PFKL: variants seen among roughly 807,000 people sequenced by gnomAD.
The protein encoded by PFKL is ATP-dependent 6-phosphofructokinase, liver type.
In PFKL, 74 loss-of-function variants were observed where a neutral mutation model predicts 92.1. The observed-to-expected ratio is 0.80, with a 90% CI of 0.67 to 0.97. The LOEUF is 0.97. Ranked by LOEUF, PFKL falls within the 50% of genes least tolerant of loss-of-function variation. The pLI is 0.00. For missense variants in PFKL, 1,028 were observed against 1,116.6 expected, an observed-to-expected ratio of 0.92 and a Z score of 1.13; for synonymous variants, 494 against 456.4, an observed-to-expected ratio of 1.08 and a Z score of -1.05.
chr21:44,318,255 T>G (rs1358735409), intron 9 of PFKL, among the ~76,000 whole-genome samples: 1 of 152,110 alleles, frequency 6.6e-6, no homozygotes, highest in Non-Finnish European at 1.5e-5. Context: ...AGGCTGGGCC[T>G]TCCAGCAGGG....
intron 9 of PFKL, 102 bp from the exon 10 acceptor site, chr21:44,318,368 G>T (rs1329057558): frequency 1.4e-5 from 18 of 1,263,814 alleles, no homozygotes; most frequent in East Asian, 5.6e-5. Flanking sequence ...CCGTCAGCGT[G>T]GGGGGCTCTG....
intron 19 of PFKL, chr21:44,325,569 A>C: frequency 3.8e-6 from 2 of 521,672 alleles, no homozygotes; most frequent in Non-Finnish European, 7.0e-6. Flanking sequence ...AGATCCCCGC[A>C]TGCTCCCTGC....
At chr21:44,311,586 C>T (rs1187871921) in intron 3 of PFKL, among the ~76,000 whole-genome samples, 1 of 152,218 alleles carries the variant, frequency 6.6e-6, no homozygotes, top group Non-Finnish European at 1.5e-5. Flanking sequence ...ACCCTGTCAT[C>T]TGCTGCCATG....
At chr21:44,317,678 G>C (rs1053499556) in intron 9 of PFKL, among the ~76,000 whole-genome samples, 1 of 152,214 alleles carries the variant, frequency 6.6e-6, no homozygotes, top group Admixed American at 6.5e-5. Context: ...CCCTGAGCCC[G>C]TATTCCCACT....
At chr21:44,325,569 A>G (rs893298415) in intron 19 of PFKL, 6 of 521,556 alleles carry the variant, frequency 1.2e-5, no homozygotes, top group African/African-American at 3.8e-5. Context: ...AGATCCCCGC[A>G]TGCTCCCTGC....
chr21:44,300,892 C>A (rs1282519707), intron 1 of PFKL, among the ~76,000 whole-genome samples: 16 of 152,226 alleles, frequency 1.1e-4, no homozygotes. Flanking sequence ...TGCCCACTGC[C>A]GGCCTCCAGT....
At position 44,312,085 on chromosome 21, in the gene PFKL, T is replaced by C. The variant is rs2047061964; in HGVS notation, c.238-20T>C. ...TGCCGCCTGCCATCTCTCCTGAAGT[T>C]TCTGGTCTCCTCTGTGCAGGGCGGC... On this transcript the variant is annotated intron_variant, in intron 3 of 21. Transcript: ENST00000349048. 1 of 1,434,220 alleles carries C rather than the reference T, an allele frequency of 7.0e-7. No homozygotes were observed. 88.8% of individuals were successfully genotyped at this position (1,434,220 alleles called of 1,614,324 possible). A position where few individuals can be genotyped will look rare whatever the true frequency, so the allele number is the denominator to read the frequency against.
intron 5 of PFKL, 76 bp from the exon 6 acceptor site, chr21:44,313,562 T>G (rs17004643): frequency 0.081 from 117,417 of 1,448,938 alleles, 5,269 homozygotes; most frequent in African/African-American, 0.14. Flanking sequence ...CTGGGTCCCT[T>G]GAGCACCCCG....
chr21:44,312,598 A>G (rs2047080537), intron 4 of PFKL, among the ~76,000 whole-genome samples: 1 of 152,186 alleles, frequency 6.6e-6, no homozygotes, highest in Admixed American at 6.5e-5. Context: ...TCCGAGTGAG[A>G]TTCTGGACAT....
intron 1 of PFKL, chr21:44,305,654 T>C: frequency 2.3e-6 from 2 of 878,402 alleles, no homozygotes; most frequent in Non-Finnish European, 3.1e-6. Flanking sequence ...GGTTTCCTCC[T>C]CTCTGAAGAT....
At chr21:44,308,922 C>G (rs1355351315) in intron 2 of PFKL, among the ~76,000 whole-genome samples, 1 of 152,172 alleles carries the variant, frequency 6.6e-6, no homozygotes, top group Non-Finnish European at 1.5e-5. Context: ...TGGTGACCAC[C>G]TGCCCAAGTG....
At chr21:44,305,219 A>G in intron 1 of PFKL, 1 of 1,266,768 alleles carries the variant, frequency 7.9e-7, no homozygotes, top group Non-Finnish European at 1.0e-6. Flanking sequence ...TCTGGCTGCT[A>G]CGTGAGAACA....
intron 19 of PFKL, chr21:44,325,661 C>T (rs1459005026): frequency 5.0e-5 from 25 of 503,764 alleles, no homozygotes; most frequent in South Asian, 2.5e-5. Context: ...GCATGGGGCC[C>T]GAGGTGATGG....
intron 13 of PFKL, 23 bp downstream of exon 13, chr21:44,321,898 A>G: frequency 6.6e-7 from 1 of 1,516,590 alleles, no homozygotes; most frequent in Non-Finnish European, 8.8e-7. Flanking sequence ...GGGGCAAACA[A>G]GTGAGGACTT....
Position 44,312,027 on chromosome 21 carries a change from C to G in PFKL, c.238-78C>G, listed in dbSNP as rs1018852245. ...TCTGCCAGCCCCTTGCTGCCCAGTC[C>G]TGGGGTCCCTCTGGTGATCCCCAGG... is the stretch of plus-strand genomic sequence containing the variant. On this transcript the variant is annotated intron_variant, in intron 3 of 21. Transcript: ENST00000349048. 15 of 1,219,198 alleles carry G rather than the reference C, an allele frequency of 1.2e-5. No homozygotes were observed. In the African/African-American group the frequency reaches 1.9e-4, roughly 16 times the overall value. 75.5% of individuals were successfully genotyped at this position (1,219,198 alleles called of 1,614,324 possible).
chr21:44,321,698 G>A, intron 12 of PFKL, 31 bp from the exon 13 acceptor site: 1 of 1,516,758 alleles, frequency 6.6e-7, no homozygotes, highest in Non-Finnish European at 8.8e-7. Context: ...CCCCGGCTGT[G>A]CCTCACGCTC....
intron 9 of PFKL, among the ~76,000 whole-genome samples, chr21:44,317,622 C>A (rs919547887): frequency 6.6e-6 from 1 of 152,198 alleles, no homozygotes; most frequent in African/African-American, 2.4e-5. Context: ...GACAGTTGAT[C>A]GCCCCTAGCC....
chr21:44,323,058 T>C lies in PFKL; in HGVS notation c.1497+9T>C. Reference sequence around the variant, plus strand: ...TGGTCGGTGGGTTTGAGGTGAGAGCTGCCCACGGACGAAAAAGCCCCAGGG... The same window carrying C: ...TGGTCGGTGGGTTTGAGGTGAGAGCCGCCCACGGACGAAAAAGCCCCAGGG... On this transcript the variant is annotated intron_variant, in intron 15 of 21. Coordinates refer to ENST00000349048, the MANE Select transcript of PFKL (RefSeq NM_002626.6). The C allele has an allele frequency of 6.3e-7, 1 of 1,599,624 alleles. No individual in the cohort carries two copies.
At chr21:44,316,161 G>C in intron 7 of PFKL, 83 bp from the exon 8 acceptor site, 1 of 1,310,742 alleles carries the variant, frequency 7.6e-7, no homozygotes, top group Non-Finnish European at 1.1e-6. Flanking sequence ...GGTGGCCCCA[G>C]GGAGGGCTCC....
Sources: allele counts gnomAD v4.1 joint callset (sites outside exome capture counted in the v4.1 genomes callset), GRCh38; gene constraint gnomAD v4.1.1; transcripts MANE v1.5; gene names NCBI Gene and HGNC (gene_info 2026-07-23, HGNC 2026-07-21).